The following TINAG variants were observed in gnomAD, a reference collection of about 807,000 sequenced individuals.
TINAG encodes tubulointerstitial nephritis antigen.
Under a neutral mutation model 72.7 loss-of-function variants are expected in TINAG, and 83 were observed. The ratio of observed to expected loss-of-function variants is 1.14; its 90% CI spans 0.96 to 1.37. TINAG has a LOEUF of 1.37. Among genes scored for constraint, TINAG ranks in the 40% most tolerant of loss-of-function variants. The probability of loss-of-function intolerance (pLI) is 0.00; values close to 1 mark genes in which losing one functional copy is unlikely to be tolerated. For synonymous variants in TINAG, 234 were observed against 189.9 expected (o/e 1.23, Z -1.91); for missense variants, 685 against 576.6 (o/e 1.19, Z -1.93).
rs755487675 is a variant in TINAG at position 54,347,388 on chromosome 6, C to A, written c.770C>A (p.Ala257Glu). ...ACAGGTGTGGCTGCTGACCGAATAG[C>A]AATTCAGTCTAAGGGTCGATACACG... ...STASVAADRI[A>E]IQSKGRYTAN... Residue 257 changes from alanine to glutamate, a missense_variant, in exon 6 of 11, where the codon GCA (alanine) becomes GAA (glutamate). By Grantham distance (107) the Ala-to-Glu change is moderately radical. Transcript: ENST00000259782. 1 of 1,612,650 alleles carries A rather than the reference C, an allele frequency of 6.2e-7. No individual in the cohort carries two copies. The highest frequency in any genetic ancestry group is 1.1e-5 in the South Asian group (1 of 90,956).
Position 54,347,394 on chromosome 6 carries a change from A to T in TINAG, c.776A>T (p.Gln259Leu), listed in dbSNP as rs781707913. The change falls in exon 6 of 11, where the codon CAG becomes CTG. Residue 259 changes from glutamine to leucine, a missense_variant. Transcript: ENST00000259782. ...ASVAADRIAI[Q>L]SKGRYTANLS... is the part of the protein sequence containing the mutation. ...GTGGCTGCTGACCGAATAGCAATTC[A>T]GTCTAAGGGTCGATACACGGCCAAT... 1 of 1,612,756 alleles carries T rather than the reference A, an allele frequency of 6.2e-7. No homozygotes were observed. The highest frequency in any genetic ancestry group is 8.5e-7 in the Non-Finnish European group (1 of 1,179,302).
chr6:54,333,211 A>G (rs1396843324), intron 4 of TINAG, among the ~76,000 whole-genome samples: 1 of 152,198 alleles, frequency 6.6e-6, no homozygotes, highest in Non-Finnish European at 1.5e-5. Context: ...AAGACTTGGA[A>G]CCAACCCAAA....
intron 4 of TINAG, among the ~76,000 whole-genome samples, chr6:54,342,062 G>GTTGTGTGT (rs371333175): frequency 6.8e-6 from 1 of 147,586 alleles, no homozygotes; most frequent in Non-Finnish European, 1.5e-5. Flanking sequence ...AAATGATTGG[G>GTTGTGTGT]GTGTGTGTGT....
At chr6:54,346,328 T>C (rs1785120022) in intron 5 of TINAG, among the ~76,000 whole-genome samples, 1 of 151,920 alleles carries the variant, frequency 6.6e-6, no homozygotes, top group Admixed American at 6.6e-5. Context: ...AATAAATGTG[T>C]TGAGGAAAGG....
At chr6:54,350,054 T>A (rs1360358698) in intron 7 of TINAG, among the ~76,000 whole-genome samples, 158 bp downstream of exon 7, 1 of 151,974 alleles carries the variant, frequency 6.6e-6, no homozygotes, top group Non-Finnish European at 1.5e-5. Flanking sequence ...GGACTTTCAG[T>A]TTGGGTATGA....
At chr6:54,354,673 G>A in intron 9 of TINAG, 37 bp downstream of exon 9, 1 of 1,591,062 alleles carries the variant, frequency 6.3e-7, no homozygotes, top group African/African-American at 1.4e-5. Flanking sequence ...AATTCTTTTG[G>A]AAAATGAAAC....
At chr6:54,384,996 A>G (rs1350091070) in intron 10 of TINAG, among the ~76,000 whole-genome samples, 1 of 152,174 alleles carries the variant, frequency 6.6e-6, no homozygotes, top group African/African-American at 2.4e-5. Context: ...CCATGATGAA[A>G]CTTTTGTTAT....
At chr6:54,341,991 C>G (rs1213529065) in intron 4 of TINAG, among the ~76,000 whole-genome samples, 4 of 151,264 alleles carry the variant, frequency 2.6e-5, no homozygotes, top group African/African-American at 4.9e-5. Flanking sequence ...ATTGAGAAGA[C>G]AAAATAAAAT....
intron 9 of TINAG, among the ~76,000 whole-genome samples, chr6:54,368,373 T>C (rs1763501230): frequency 6.7e-6 from 1 of 148,152 alleles, no homozygotes; most frequent in South Asian, 2.1e-4. Flanking sequence ...AATCATTATA[T>C]TAATTATTAT....
At position 54,329,895 on chromosome 6, in the gene TINAG, AG is replaced by A. The variant is rs200861937; in HGVS notation, c.624+2983del. 9.8e-3 allele frequency among the ~76,000 whole-genome samples: 1,489 copies of A among 152,312 alleles called. 36 individuals carry two copies. Among genetic ancestry groups the A allele is most frequent in the East Asian group, 0.062 (323 of 5,184 alleles). On this transcript the variant is annotated intron_variant, in intron 4 of 10. Coordinates refer to ENST00000259782, the MANE Select transcript of TINAG (RefSeq NM_014464.4). Reference sequence around the variant, plus strand: ...CCAAGAAGGGCATTACATAATGGTAAGGGGATCAAGGCAACAAGAAGAACTA... The same window carrying A: ...CCAAGAAGGGCATTACATAATGGTAAGGGATCAAGGCAACAAGAAGAACTA...
chr6:54,359,595 G>A (rs530337840), intron 9 of TINAG, among the ~76,000 whole-genome samples: 1 of 151,886 alleles, frequency 6.6e-6, no homozygotes, highest in South Asian at 2.1e-4. Context: ...CACATTTGGT[G>A]TGTCAGTTGC....
In TINAG at chr6:54,345,421, G is replaced by A. The variant is rs111948136; in HGVS notation, c.749-1946G>A. Among the ~76,000 whole-genome samples the A allele has an allele frequency of 5.2e-3, 784 of 152,166 alleles. 3 individuals are homozygous for A. Among genetic ancestry groups the A allele is most frequent in the Non-Finnish European group, 8.9e-3 (606 of 67,978 alleles). On this transcript the variant is annotated intron_variant, in intron 5 of 10. Coordinates refer to ENST00000259782, the MANE Select transcript of TINAG (RefSeq NM_014464.4). ...TTCAAGCCTCCAGTATTATAAACGA[G>A]GCCCAAATAGGTAAAGTGGCTTATC...
At chr6:54,380,960 C>T (rs1044228783) in intron 10 of TINAG, among the ~76,000 whole-genome samples, 1 of 144,346 alleles carries the variant, frequency 6.9e-6, no homozygotes, top group African/African-American at 2.6e-5. Flanking sequence ...TATATATATC[C>T]TATAGGATAT....
At chr6:54,349,222 C>A (rs1420544973) in intron 6 of TINAG, among the ~76,000 whole-genome samples, 1 of 151,652 alleles carries the variant, frequency 6.6e-6, no homozygotes, top group Non-Finnish European at 1.5e-5. Flanking sequence ...GTGAACATAT[C>A]TATAACTTAA....
chr6:54,308,079 T>C, upstream of TINAG: 1 of 1,550,050 alleles, frequency 6.5e-7, no homozygotes, highest in Non-Finnish European at 8.7e-7. Flanking sequence ...AGAGCCTGGA[T>C]GTTCGTTTCA....
intron 10 of TINAG, among the ~76,000 whole-genome samples, chr6:54,387,395 T>C (rs948013150): frequency 1.3e-5 from 2 of 152,122 alleles, no homozygotes; most frequent in African/African-American, 2.4e-5. Context: ...TGAAAATAAA[T>C]AGTAATAAGA....
At chr6:54,338,327 A>G (rs1784915422) in intron 4 of TINAG, among the ~76,000 whole-genome samples, 1 of 152,148 alleles carries the variant, frequency 6.6e-6, no homozygotes, top group South Asian at 2.1e-4. Flanking sequence ...TAGGCTGTTA[A>G]AAAGTAGACT....
chr6:54,349,820 C>A lies in TINAG; in HGVS notation c.1004C>A (p.Thr335Lys). The stretch of plus-strand genomic sequence containing the variant: ...GATGGGCGAGGAAAACGGCATGCCA[C>A]GAAGCCATGTCCCAACAACGTAGAA... ...RSDGRGKRHA[T>K]KPCPNNVEKS... Residue 335 changes from threonine to lysine, a missense_variant, in exon 7 of 11, where the codon ACG (threonine) becomes AAG (lysine). Physicochemically the swap from Thr to Lys is moderately conservative, Grantham distance 78 (BLOSUM62 -1). Coordinates refer to ENST00000259782, the MANE Select transcript of TINAG (RefSeq NM_014464.4). 1 of 1,610,758 alleles carries A rather than the reference C, an allele frequency of 6.2e-7. No homozygotes were observed. The highest frequency in any genetic ancestry group is 2.2e-5 in the East Asian group (1 of 44,736).
intron 1 of TINAG, among the ~76,000 whole-genome samples, chr6:54,313,536 G>A (rs183253584): frequency 0.012 from 1,855 of 151,424 alleles, 43 homozygotes; most frequent in African/African-American, 0.042. Flanking sequence ...CACTTTTCAG[G>A]TATTAACTCA....
Sources: gnomAD v4.1 joint callset for allele counts (sites outside exome capture counted in the v4.1 genomes callset) on GRCh38, gnomAD v4.1.1 for gene constraint, MANE v1.5 for transcripts, NCBI Gene and HGNC (gene_info 2026-07-23, HGNC 2026-07-21) for gene names.